Variants in MAN1A1 observed in about 807,000 individuals in gnomAD.
MAN1A1 encodes mannosyl-oligosaccharide 1,2-alpha-mannosidase IA.
A neutral mutation model predicts 70.8 loss-of-function variants in MAN1A1; 29 were observed. That is an observed-to-expected ratio of 0.41 (90% CI 0.31 to 0.56). The LOEUF is 0.56. Among genes scored for constraint, MAN1A1 ranks in the 20% least tolerant of loss-of-function variants. The probability of loss-of-function intolerance (pLI) is 0.29; values close to 1 mark genes in which losing one functional copy is unlikely to be tolerated. For missense variants in MAN1A1, 747 were observed against 841.3 expected (o/e 0.89, Z 1.39); for synonymous variants, 349 against 330.1 (o/e 1.06, Z -0.62).
intron 5 of MAN1A1, among the ~76,000 whole-genome samples, chr6:119,286,902 C>A (rs1776388689): frequency 6.6e-6 from 1 of 151,982 alleles, no homozygotes. Context: ...TTTATATTCA[C>A]CATAGTGGGC....
chr6:119,315,381 T>C (rs1772820587), intron 2 of MAN1A1, among the ~76,000 whole-genome samples: 1 of 152,208 alleles, frequency 6.6e-6, no homozygotes, highest in South Asian at 2.1e-4. Flanking sequence ...ATAAAGCCAG[T>C]TTTAAAAAAT....
chr6:119,297,434 G>T (rs1355833313), intron 4 of MAN1A1, among the ~76,000 whole-genome samples: 1 of 152,050 alleles, frequency 6.6e-6, no homozygotes, highest in African/African-American at 2.4e-5. Context: ...CTAATATTAA[G>T]ATGACATGCC....
intron 6 of MAN1A1, among the ~76,000 whole-genome samples, chr6:119,207,522 A>G (rs1227259492): frequency 6.6e-6 from 1 of 152,204 alleles, no homozygotes; most frequent in Non-Finnish European, 1.5e-5. Flanking sequence ...GCACACATCT[A>G]TCTACCACAT....
At chr6:119,241,035 ACTTTATGGAAATAG>A (rs1298574676) in intron 6 of MAN1A1, among the ~76,000 whole-genome samples, 4 of 152,158 alleles carry the variant, frequency 2.6e-5, no homozygotes, top group African/African-American at 9.7e-5. Context: ...ACAAAGTGTG[ACTTTATGGAAATAG>A]CTTTACTTTT....
At chr6:119,288,618 G>T (rs1776446619) in intron 5 of MAN1A1, among the ~76,000 whole-genome samples, 1 of 151,836 alleles carries the variant, frequency 6.6e-6, no homozygotes, top group Non-Finnish European at 1.5e-5. Context: ...ATAGGCAAGT[G>T]ATGATGTTAA....
intron 2 of MAN1A1, among the ~76,000 whole-genome samples, chr6:119,341,596 A>G (rs1304913552): frequency 1.3e-5 from 2 of 152,170 alleles, no homozygotes; most frequent in East Asian, 3.8e-4. Flanking sequence ...AAGGTCTCAA[A>G]AAGACCAAAC....
intron 5 of MAN1A1, among the ~76,000 whole-genome samples, chr6:119,260,934 T>C (rs1326224214): frequency 6.6e-6 from 1 of 151,324 alleles, no homozygotes; most frequent in Non-Finnish European, 1.5e-5. Flanking sequence ...TGTTGTCCAT[T>C]GTAGCTACTC....
At chr6:119,196,046 A>C (rs746844597) in intron 8 of MAN1A1, among the ~76,000 whole-genome samples, 9 of 152,120 alleles carry the variant, frequency 5.9e-5, no homozygotes, top group Non-Finnish European at 1.2e-4. Flanking sequence ...TTGTCAAAAC[A>C]ACACTGACTC....
At chr6:119,340,861 A>G (rs761938499) in intron 2 of MAN1A1, among the ~76,000 whole-genome samples, 11 of 152,216 alleles carry the variant, frequency 7.2e-5, no homozygotes, top group Non-Finnish European at 1.2e-4. Context: ...TGAATGAACG[A>G]TGTAGAGCAA....
intron 6 of MAN1A1, among the ~76,000 whole-genome samples, chr6:119,229,571 AG>A (rs1774618950): frequency 6.6e-6 from 1 of 152,220 alleles, no homozygotes; most frequent in Non-Finnish European, 1.5e-5. Flanking sequence ...AATGCAGTTG[AG>A]CTTCAAGCAT....
intron 6 of MAN1A1, among the ~76,000 whole-genome samples, chr6:119,223,031 A>C (rs754840628): frequency 1.3e-5 from 2 of 152,162 alleles, no homozygotes; most frequent in Non-Finnish European, 2.9e-5. Flanking sequence ...TGTGAATTAT[A>C]TCTCAAAGTG....
chr6:119,263,616 T>C (rs1306530032), intron 5 of MAN1A1, among the ~76,000 whole-genome samples: 1 of 152,166 alleles, frequency 6.6e-6, no homozygotes, highest in Non-Finnish European at 1.5e-5. Context: ...GCCATGTACC[T>C]ACCTATATAC....
intron 6 of MAN1A1, among the ~76,000 whole-genome samples, chr6:119,205,747 T>G (rs1773841940): frequency 6.6e-6 from 1 of 152,242 alleles, no homozygotes. Flanking sequence ...ATAAAGTTCG[T>G]TATTCTCCTA....
chr6:119,206,116 T>C (rs1773852670), intron 6 of MAN1A1, among the ~76,000 whole-genome samples: 1 of 151,958 alleles, frequency 6.6e-6, no homozygotes, highest in Non-Finnish European at 1.5e-5. Context: ...ATGATGAGAA[T>C]CTGGGCAAGG....
At chr6:119,202,594 G>A (rs905297401) in intron 7 of MAN1A1, among the ~76,000 whole-genome samples, 9 of 152,228 alleles carry the variant, frequency 5.9e-5, no homozygotes, top group African/African-American at 2.2e-4. Flanking sequence ...ATACTTTTAT[G>A]TGACTGGGAG....
intron 8 of MAN1A1, among the ~76,000 whole-genome samples, chr6:119,198,764 T>C (rs1273794710): frequency 6.6e-6 from 1 of 152,214 alleles, no homozygotes; most frequent in Non-Finnish European, 1.5e-5. Flanking sequence ...TTCAATCCTT[T>C]GCTATATGTT....
At chr6:119,190,612 A>C (rs1773417220) in intron 9 of MAN1A1, among the ~76,000 whole-genome samples, 1 of 152,216 alleles carries the variant, frequency 6.6e-6, no homozygotes, top group African/African-American at 2.4e-5. Flanking sequence ...GTGACGCTTG[A>C]ATCAAGTTCC....
intron 6 of MAN1A1, among the ~76,000 whole-genome samples, chr6:119,215,958 C>G (rs1774188803): frequency 6.6e-6 from 1 of 152,090 alleles, no homozygotes; most frequent in South Asian, 2.1e-4. Context: ...AAGGTGAGAC[C>G]AGAAACGATC....
At chr6:119,223,709 G>T (rs1774427664) in intron 6 of MAN1A1, among the ~76,000 whole-genome samples, 1 of 152,090 alleles carries the variant, frequency 6.6e-6, no homozygotes, top group African/African-American at 2.4e-5. Flanking sequence ...ATATTATGCA[G>T]CTACTAAAGG....
Sources: gnomAD v4.1 joint callset for allele counts (sites outside exome capture counted in the v4.1 genomes callset) on GRCh38, gnomAD v4.1.1 for gene constraint, MANE v1.5 for transcripts, NCBI Gene and HGNC (gene_info 2026-07-23, HGNC 2026-07-21) for gene names.